The following XYLB variants were observed in gnomAD, a reference collection of about 807,000 sequenced individuals.
XYLB encodes xylulose kinase.
Under a neutral mutation model 78.7 loss-of-function variants are expected in XYLB, and 62 were observed. The ratio of observed to expected loss-of-function variants is 0.79; its 90% confidence interval spans 0.64 to 0.97. The LOEUF (loss-of-function observed/expected upper bound fraction) is 0.97. Ranked by LOEUF, XYLB falls within the 50% of genes least tolerant of loss-of-function variation. The probability of loss-of-function intolerance (pLI) is 0.00; values close to 1 mark genes in which losing one functional copy is unlikely to be tolerated. For missense variants in XYLB, 687 were observed against 676.8 expected (o/e 1.02, Z -0.17); for synonymous variants, 245 against 247.4 (o/e 0.99, Z 0.09).
intron 15 of XYLB, among the ~76,000 whole-genome samples, chr3:38,393,852 T>C (rs1707767829): frequency 6.6e-6 from 1 of 152,220 alleles, no homozygotes; most frequent in Non-Finnish European, 1.5e-5. Flanking sequence ...TGTCTTTATC[T>C]TCAAATACAC....
At chr3:38,404,733 C>T (rs765927273) in intron 18 of XYLB, among the ~76,000 whole-genome samples, 13 of 151,998 alleles carry the variant, frequency 8.6e-5, no homozygotes, top group African/African-American at 1.7e-4. Flanking sequence ...GGTTCAGGCA[C>T]GAGAATCACT....
chr3:38,354,577 A>G (rs1705543542), intron 2 of XYLB, among the ~76,000 whole-genome samples: 1 of 150,140 alleles, frequency 6.7e-6, no homozygotes, highest in African/African-American at 2.5e-5. Flanking sequence ...TTCTCTGCTC[A>G]CTGCAACCTC....
intron 15 of XYLB, among the ~76,000 whole-genome samples, chr3:38,391,490 C>A (rs1575515560): frequency 6.6e-6 from 1 of 152,178 alleles, no homozygotes; most frequent in African/African-American, 2.4e-5. Flanking sequence ...TGCTTTAGAT[C>A]AACGTCATGT....
chr3:38,403,822 C>T (rs1299851903), intron 18 of XYLB, among the ~76,000 whole-genome samples: 2 of 152,090 alleles, frequency 1.3e-5, no homozygotes, highest in African/African-American at 4.8e-5. Context: ...TGCCTCATCA[C>T]TCTCCCTGGC....
chr3:38,382,182 C>CA (rs1360508926), intron 15 of XYLB, among the ~76,000 whole-genome samples: 5 of 152,144 alleles, frequency 3.3e-5, no homozygotes, highest in African/African-American at 1.2e-4. Flanking sequence ...CCCTTCTCTA[C>CA]AAAAAATACG....
chr3:38,375,302 G>T, intron 12 of XYLB, 43 bp downstream of exon 12: 1 of 1,561,052 alleles, frequency 6.4e-7, no homozygotes, highest in Non-Finnish European at 8.8e-7. Flanking sequence ...GGGTGAGGAG[G>T]TGTGGGCAGG....
chr3:38,390,802 C>T (rs999237174), intron 15 of XYLB, among the ~76,000 whole-genome samples: 22 of 152,198 alleles, frequency 1.4e-4, no homozygotes, highest in Admixed American at 7.2e-4. Flanking sequence ...GATTAGTAGG[C>T]ATAAGCCACT....
Position 38,366,830 on chromosome 3 carries a change from C to T in XYLB, c.530C>T (p.Ala177Val). 1 of 1,613,468 alleles carries T rather than the reference C, an allele frequency of 6.2e-7. No homozygotes were observed. Reference protein sequence around the residue: ...AYERFTGNQIAKIYQQNPEAY... With the variant: ...AYERFTGNQIVKIYQQNPEAY... ...CAGCGTTTTACAGGGAACCAAATTG[C>T]AAAAATTTACCAGCAGAACCCCGAG... Residue 177 changes from alanine to valine, a missense_variant, in exon 7 of 19, where the codon GCA (alanine) becomes GTA (valine). Physicochemically the swap from Ala to Val is moderately conservative, Grantham distance 64. Coordinates refer to ENST00000207870, the MANE Select transcript of XYLB (RefSeq NM_005108.4).
At chr3:38,430,128 C>G in the XYLB span, among the ~76,000 whole-genome samples, 1 of 152,296 alleles carries the variant, frequency 6.6e-6, no homozygotes, top group Admixed American at 6.5e-5. Context: ...GAGGAATCAC[C>G]ACACTGTCTT....
chr3:38,355,768 A>G (rs1453156858), intron 2 of XYLB: 1 of 703,700 alleles, frequency 1.4e-6, no homozygotes, highest in Admixed American at 2.0e-5. Context: ...CATGTGGAAC[A>G]TGACAGAGCC....
At chr3:38,443,054 G>A in the XYLB span, among the ~76,000 whole-genome samples, 10 of 152,356 alleles carry the variant, frequency 6.6e-5, no homozygotes, top group East Asian at 1.9e-3. Context: ...AGAAAGGCAT[G>A]TGAAAAGAGC....
At chr3:38,438,676 A>G in the XYLB span, among the ~76,000 whole-genome samples, 4 of 152,210 alleles carry the variant, frequency 2.6e-5, no homozygotes, top group African/African-American at 9.6e-5. Flanking sequence ...GAGCAGCAGC[A>G]AGATTTATTG....
chr3:38,417,408 A>C (rs976434786), downstream of XYLB, among the ~76,000 whole-genome samples: 3 of 152,184 alleles, frequency 2.0e-5, no homozygotes, highest in African/African-American at 7.2e-5. Flanking sequence ...GAGCTATCTC[A>C]AAAATAATTG....
the XYLB span, among the ~76,000 whole-genome samples, chr3:38,434,592 A>G: frequency 1.3e-5 from 2 of 152,254 alleles, no homozygotes; most frequent in Admixed American, 1.3e-4. Flanking sequence ...CAGAAACAAA[A>G]GGACAACATT....
intron 15 of XYLB, among the ~76,000 whole-genome samples, chr3:38,384,038 T>TTTTTGTTTGTTTGTTTTCTTTGTTTTG (rs1707270172): frequency 6.6e-6 from 1 of 152,126 alleles, no homozygotes; most frequent in Admixed American, 6.5e-5. Context: ...GTTCTTGTTT[T>TTTTTGTTTGTTTGTTTTCTTTGTTTTG]TTTTGTTTGT....
chr3:38,449,194 C>A, the XYLB span, among the ~76,000 whole-genome samples: 2 of 152,162 alleles, frequency 1.3e-5, no homozygotes, highest in Non-Finnish European at 2.9e-5. Flanking sequence ...ATGATTTTGG[C>A]TCACTGCAAC....
At chr3:38,419,062 C>G (rs951068115), downstream of XYLB, among the ~76,000 whole-genome samples, 17 of 152,090 alleles carry the variant, frequency 1.1e-4, 1 homozygote, top group Admixed American at 1.1e-3. Context: ...TTTTCTCTCC[C>G]CAGCCCTTGA....
chr3:38,416,561 T>G (rs1708801485), downstream of XYLB, among the ~76,000 whole-genome samples: 1 of 152,184 alleles, frequency 6.6e-6, no homozygotes, highest in Non-Finnish European at 1.5e-5. Flanking sequence ...AACCAATGTC[T>G]TATTGTCTGT....
intron 2 of XYLB, among the ~76,000 whole-genome samples, chr3:38,355,452 A>T (rs1254736873): frequency 6.6e-6 from 1 of 152,218 alleles, no homozygotes; most frequent in East Asian, 1.9e-4. Context: ...GACAATGCAG[A>T]AATTACCCAA....
Sources: gnomAD v4.1 joint callset for allele counts (sites outside exome capture counted in the v4.1 genomes callset) on GRCh38, gnomAD v4.1.1 for gene constraint, MANE v1.5 for transcripts, NCBI Gene and HGNC (gene_info 2026-07-23, HGNC 2026-07-21) for gene names.